The following TRUB1 variants were observed in gnomAD, a reference collection of about 807,000 sequenced individuals.
TRUB1 encodes the protein TruB pseudouridine synthase family member 1, also known as pseudouridylate synthase TRUB1.
A neutral mutation model predicts 33.9 loss-of-function variants in TRUB1; 23 were observed. The observed-to-expected ratio is 0.68, with a 90% CI of 0.49 to 0.96. The LOEUF (loss-of-function observed/expected upper bound fraction) is 0.96. TRUB1 is among the 40% of genes least tolerant of loss of function. The pLI is 0.00. For synonymous variants in TRUB1, 163 were observed against 165.4 expected (o/e 0.99, Z 0.11); for missense variants, 378 against 422.2 (o/e 0.90, Z 0.92).
intron 5 of TRUB1, 138 bp downstream of exon 5, chr10:114,970,578 G>A (rs6585309): frequency 0.39 from 264,790 of 674,352 alleles, 59,647 homozygotes; most frequent in African/African-American, 0.75. Context: ...ATGTTAAAGT[G>A]AAGGTGAGAC....
At chr10:114,949,749 A>G (rs999899661) in intron 2 of TRUB1, among the ~76,000 whole-genome samples, 33 of 152,188 alleles carry the variant, frequency 2.2e-4, no homozygotes, top group Middle Eastern at 3.4e-3. Flanking sequence ...GGCAGAGGGA[A>G]TGGAAAGGAA....
chr10:114,945,292 A>G (rs2084206675), intron 2 of TRUB1, among the ~76,000 whole-genome samples: 1 of 152,162 alleles, frequency 6.6e-6, no homozygotes, highest in African/African-American at 2.4e-5. Flanking sequence ...TCTTGGCAGA[A>G]ATTAGGGCTT....
chr10:114,960,275 A>G (rs886244979), intron 4 of TRUB1, among the ~76,000 whole-genome samples: 9 of 152,130 alleles, frequency 5.9e-5, no homozygotes, highest in African/African-American at 1.9e-4. Flanking sequence ...AGGGCAAGCT[A>G]TTTCTCTGGA....
intron 4 of TRUB1, 26 bp from the exon 5 acceptor site, chr10:114,970,342 G>A: frequency 6.6e-7 from 1 of 1,517,872 alleles, no homozygotes; most frequent in Non-Finnish European, 9.1e-7. Context: ...GGTTGTTTTA[G>A]TGTCTTTTTT....
intron 2 of TRUB1, among the ~76,000 whole-genome samples, chr10:114,947,289 G>T (rs2084215391): frequency 1.3e-5 from 2 of 152,102 alleles, no homozygotes; most frequent in South Asian, 4.1e-4. Context: ...AGTTAAACCT[G>T]TTTCAGGCTT....
intron 2 of TRUB1, among the ~76,000 whole-genome samples, chr10:114,946,962 G>A (rs545327211): frequency 1.2e-4 from 19 of 152,146 alleles, no homozygotes; most frequent in Non-Finnish European, 2.6e-4. Context: ...TGGAATTGAT[G>A]TTGCTAATCA....
In TRUB1 at chr10:114,974,381, A is replaced by C; in HGVS notation, c.789A>C (p.Gly263=). 1 of 1,610,694 alleles carries C rather than the reference A, an allele frequency of 6.2e-7. No individual in the cohort carries two copies. Among genetic ancestry groups the C allele is most frequent in the East Asian group, 2.2e-5 (1 of 44,808 alleles). The change falls in exon 7 of 8, where the codon GGA becomes GGC. Residue 263 remains glycine (G), a synonymous_variant. Coordinates refer to ENST00000298746, the MANE Select transcript of TRUB1 (RefSeq NM_139169.5). ...FYIRSLVSDI[G]KELSSCANVL... Reference sequence around the variant, plus strand: ...TCAGAAGCTTGGTCAGTGACATTGGAAAAGGTAAGCATAAAAATGAATTAT... The same window carrying C: ...TCAGAAGCTTGGTCAGTGACATTGGCAAAGGTAAGCATAAAAATGAATTAT...
intron 3 of TRUB1, among the ~76,000 whole-genome samples, chr10:114,952,528 CATAG>C (rs779967629): frequency 5.3e-5 from 8 of 152,110 alleles, no homozygotes; most frequent in African/African-American, 1.7e-4. Context: ...TACATAGATA[CATAG>C]ATTGATTGAT....
intron 4 of TRUB1, among the ~76,000 whole-genome samples, chr10:114,961,309 C>G (rs550446924): frequency 1.3e-5 from 2 of 151,792 alleles, no homozygotes; most frequent in Non-Finnish European, 2.9e-5. Context: ...GAAAAATTTC[C>G]CATGATTAGG....
intron 3 of TRUB1, among the ~76,000 whole-genome samples, chr10:114,953,726 C>G (rs1486109362): frequency 1.3e-5 from 2 of 152,128 alleles, no homozygotes; most frequent in Non-Finnish European, 2.9e-5. Context: ...GTTCTGAAGT[C>G]TGTACAAGAA....
Position 114,976,570 on chromosome 10 carries a change from T to C in TRUB1, c.*1191T>C, listed in dbSNP as rs1592056002. 6.6e-6 allele frequency: 1 copy of C among 152,214 alleles called. No individual in the cohort carries two copies. Among genetic ancestry groups the C allele is most frequent in the African/African-American group, 2.4e-5 (1 of 41,470 alleles). The allele number at this position is 152,214 out of a possible 1,614,324, so 9.4% of individuals were successfully genotyped here. On this transcript the variant is annotated 3_prime_UTR_variant, in exon 8 of 8. Coordinates refer to ENST00000298746, the MANE Select transcript of TRUB1 (RefSeq NM_139169.5). ...TTTCAAAAGGAAGACTCATGAGAAA[T>C]TTCATAAAATACAAGTTTTTAGATG... is the stretch of plus-strand genomic sequence containing the variant.
Position 114,975,056 on chromosome 10 carries a change from A to G in TRUB1, c.794-67A>G, listed in dbSNP as rs2084353729. On this transcript the variant is annotated intron_variant, in intron 7 of 7. Transcript: ENST00000298746. ...TTCAATTGAGTACGGTCATTTGAAC[A>G]ATTACAGACTATGAAATACTGAATC... is the stretch of plus-strand genomic sequence containing the variant. The G allele has an allele frequency of 5.3e-6, 8 of 1,513,956 alleles. No individual in the cohort carries two copies. In the South Asian group the frequency reaches 5.4e-5, roughly 10 times the overall value. 93.8% of individuals were successfully genotyped at this position (1,513,956 alleles called of 1,614,324 possible).
At chr10:114,971,903 G>C (rs2084338136) in intron 5 of TRUB1, among the ~76,000 whole-genome samples, 2 of 152,160 alleles carry the variant, frequency 1.3e-5, no homozygotes, top group Non-Finnish European at 2.9e-5. Context: ...TTGTGTGCCA[G>C]AATGAGGTTA....
chr10:114,952,196 T>C (rs766232415), intron 3 of TRUB1, among the ~76,000 whole-genome samples: 2 of 152,156 alleles, frequency 1.3e-5, no homozygotes, highest in Non-Finnish European at 2.9e-5. Flanking sequence ...CCTAATACTT[T>C]GGAAGGCCGA....
intron 4 of TRUB1, among the ~76,000 whole-genome samples, chr10:114,968,610 T>G (rs1323450162): frequency 1.3e-5 from 2 of 152,222 alleles, no homozygotes; most frequent in Non-Finnish European, 2.9e-5. Flanking sequence ...AGAAACAGTA[T>G]GAACAGATCA....
chr10:114,949,306 A>G (rs2084224024), intron 2 of TRUB1, among the ~76,000 whole-genome samples: 1 of 152,234 alleles, frequency 6.6e-6, no homozygotes, highest in African/African-American at 2.4e-5. Flanking sequence ...ATCAAGTCGC[A>G]TTGAATCTTT....
chr10:114,957,643 A>T (rs2084267277), intron 3 of TRUB1, among the ~76,000 whole-genome samples: 1 of 152,168 alleles, frequency 6.6e-6, no homozygotes, highest in Non-Finnish European at 1.5e-5. Flanking sequence ...CTTAGAGAAG[A>T]GTGGGAGTTC....
intron 4 of TRUB1, chr10:114,969,702 G>C (rs373185741): frequency 2.2e-5 from 1 of 45,096 alleles, no homozygotes; most frequent in Non-Finnish European, 4.5e-5. Context: ...TTTTTTTTTT[G>C]CACTGGCTTA....
chr10:114,960,693 T>G (rs184973422), intron 4 of TRUB1, among the ~76,000 whole-genome samples: 1 of 152,222 alleles, frequency 6.6e-6, no homozygotes, highest in Admixed American at 6.5e-5. Flanking sequence ...AAATTACTGA[T>G]TGATTTCAAG....
Sources: allele counts gnomAD v4.1 joint callset (sites outside exome capture counted in the v4.1 genomes callset), GRCh38; gene constraint gnomAD v4.1.1; transcripts MANE v1.5; gene names NCBI Gene and HGNC (gene_info 2026-07-23, HGNC 2026-07-21).